Variants in ACTR3C observed in about 807,000 individuals in gnomAD.
ACTR3C encodes actin related protein 3C.
In ACTR3C, 18 loss-of-function variants were observed where a neutral mutation model predicts 26.3. That is an observed-to-expected ratio of 0.68 (90% CI 0.47 to 1.01). The LOEUF (loss-of-function observed/expected upper bound fraction) is 1.01. ACTR3C is among the 50% of genes least tolerant of loss of function. The pLI, the probability that ACTR3C is intolerant of heterozygous loss-of-function variation, is 0.00. For synonymous variants in ACTR3C, 55 were observed against 94.5 expected (o/e 0.58, Z 2.42); for missense variants, 184 against 250.7 (o/e 0.73, Z 1.80).
chr7:150,229,869 T>C, the ACTR3C span, among the ~76,000 whole-genome samples: 127 of 151,992 alleles, frequency 8.4e-4, no homozygotes, highest in South Asian at 1.7e-3. Context: ...GCTCTTTCTG[T>C]TTTTATTATC....
chr7:150,180,746 G>A, the ACTR3C span, among the ~76,000 whole-genome samples: 1 of 149,032 alleles, frequency 6.7e-6, no homozygotes, highest in South Asian at 2.1e-4. Flanking sequence ...TCCTGACCTC[G>A]TGATCCGCCC....
intron 4 of ACTR3C, among the ~76,000 whole-genome samples, chr7:150,287,760 C>T (rs973072941): frequency 6.8e-6 from 1 of 148,114 alleles, no homozygotes; most frequent in Non-Finnish European, 1.5e-5. Flanking sequence ...CTACACAACC[C>T]TGTGTTCTTT....
the ACTR3C span, among the ~76,000 whole-genome samples, chr7:149,948,453 A>G: frequency 6.6e-6 from 1 of 151,036 alleles, no homozygotes; most frequent in East Asian, 1.9e-4. Flanking sequence ...GCACACGGTC[A>G]CACGTCAGAA....
chr7:150,314,837 A>G (rs1796690972), intron 1 of ACTR3C, among the ~76,000 whole-genome samples: 1 of 149,760 alleles, frequency 6.7e-6, no homozygotes, highest in African/African-American at 2.4e-5. Context: ...CTGTAGTCCC[A>G]GCTACTCACA....
chr7:150,139,528 T>C, the ACTR3C span, among the ~76,000 whole-genome samples: 1 of 152,250 alleles, frequency 6.6e-6, no homozygotes, highest in Admixed American at 6.5e-5. Context: ...CCAAACACCA[T>C]TGTTCTTAAC....
the ACTR3C span, among the ~76,000 whole-genome samples, chr7:150,189,740 C>A: frequency 8.8e-6 from 1 of 113,730 alleles, no homozygotes; most frequent in Non-Finnish European, 1.8e-5. Flanking sequence ...TACTTCCTTT[C>A]TTTTTATCAG....
chr7:149,939,893 G>A, the ACTR3C span, among the ~76,000 whole-genome samples: 1 of 145,958 alleles, frequency 6.9e-6, no homozygotes, highest in Non-Finnish European at 1.5e-5. Flanking sequence ...ATCCCAGTGA[G>A]GGTATATCTT....
the ACTR3C span, among the ~76,000 whole-genome samples, chr7:150,098,708 T>C: frequency 6.6e-6 from 1 of 151,786 alleles, no homozygotes; most frequent in Non-Finnish European, 1.5e-5. Flanking sequence ...GCACAGACAA[T>C]GAAACCTGTA....
chr7:149,975,022 C>T, the ACTR3C span, among the ~76,000 whole-genome samples: 28 of 152,232 alleles, frequency 1.8e-4, no homozygotes, highest in African/African-American at 6.0e-4. Context: ...CATGCTCTGG[C>T]GGGAACACCT....
At chr7:150,105,030 C>T in the ACTR3C span, among the ~76,000 whole-genome samples, 2 of 151,668 alleles carry the variant, frequency 1.3e-5, no homozygotes, top group East Asian at 3.9e-4. Context: ...TGTTATTGAG[C>T]ACATCATCAA....
At chr7:150,021,941 G>T in the ACTR3C span, among the ~76,000 whole-genome samples, 1 of 151,694 alleles carries the variant, frequency 6.6e-6, no homozygotes. Context: ...GCGTGCAAGT[G>T]TCTTTTTCAT....
chr7:149,998,141 G>C, the ACTR3C span, among the ~76,000 whole-genome samples: 17 of 150,888 alleles, frequency 1.1e-4, no homozygotes, highest in Admixed American at 1.0e-3. Context: ...GTAACATAAA[G>C]AGATGGGGCA....
the ACTR3C span, among the ~76,000 whole-genome samples, chr7:150,073,197 C>T: frequency 2.0e-5 from 3 of 152,192 alleles, no homozygotes; most frequent in African/African-American, 7.2e-5. Context: ...CCCCTTCCAC[C>T]ACATGAGGAC....
At chr7:150,018,011 A>G in the ACTR3C span, among the ~76,000 whole-genome samples, 3 of 150,254 alleles carry the variant, frequency 2.0e-5, no homozygotes, top group Admixed American at 6.6e-5. Context: ...CAGGTGCCCA[A>G]TAAAACTTTG....
the ACTR3C span, among the ~76,000 whole-genome samples, chr7:150,048,211 G>A: frequency 6.6e-6 from 1 of 152,024 alleles, no homozygotes; most frequent in Non-Finnish European, 1.5e-5. Context: ...AACATAAAGC[G>A]AGGGAAATGC....
chr7:149,986,960 C>T, the ACTR3C span, among the ~76,000 whole-genome samples: 143 of 141,636 alleles, frequency 1.0e-3, 1 homozygote, highest in African/African-American at 3.6e-3. Context: ...GCATGGGCCC[C>T]GCAGGTATCT....
At chr7:150,036,727 G>A in the ACTR3C span, among the ~76,000 whole-genome samples, 6 of 137,904 alleles carry the variant, frequency 4.4e-5, 2 homozygotes, top group Non-Finnish European at 8.4e-5. Flanking sequence ...AGCTGCGTTC[G>A]GACCCGTCGG....
At chr7:150,226,362 G>A in the ACTR3C span, among the ~76,000 whole-genome samples, 1 of 152,120 alleles carries the variant, frequency 6.6e-6, no homozygotes, top group Non-Finnish European at 1.5e-5. Context: ...CCAGTCGTTG[G>A]TATCTCCAGT....
the ACTR3C span, among the ~76,000 whole-genome samples, chr7:150,041,923 G>T: frequency 6.7e-6 from 1 of 149,462 alleles, no homozygotes; most frequent in East Asian, 2.0e-4. Context: ...GGGGGGAAGA[G>T]GGTCTGGCTC....
Sources: allele counts gnomAD v4.1 joint callset (sites outside exome capture counted in the v4.1 genomes callset), GRCh38; gene constraint gnomAD v4.1.1; transcripts MANE v1.5; gene names NCBI Gene and HGNC (gene_info 2026-07-23, HGNC 2026-07-21).